SHANK2: variants seen among roughly 807,000 people sequenced by gnomAD.
SHANK2 encodes the protein SH3 and multiple ankyrin repeat domains 2.
In SHANK2, 43 loss-of-function variants were observed where a neutral mutation model predicts 133.7. That is an observed-to-expected ratio of 0.32 (90% CI 0.25 to 0.41). SHANK2 has a LOEUF of 0.41. SHANK2 is among the 10% of genes least tolerant of loss of function. The pLI, the probability that SHANK2 is intolerant of heterozygous loss-of-function variation, is 1.00. For missense variants in SHANK2, 1,994 were observed against 2,235.8 expected (o/e 0.89, Z 2.18); for synonymous variants, 1,017 against 952.8 (o/e 1.07, Z -1.24).
intron 14 of SHANK2, among the ~76,000 whole-genome samples, chr11:70,776,488 G>A (rs782335656): frequency 6.6e-6 from 1 of 152,158 alleles, no homozygotes; most frequent in East Asian, 1.9e-4. Flanking sequence ...TGCTGGTATC[G>A]CCAAGAGCCT....
At chr11:70,778,460 T>A (rs1555044414) in intron 14 of SHANK2, among the ~76,000 whole-genome samples, 1 of 152,216 alleles carries the variant, frequency 6.6e-6, no homozygotes, top group Non-Finnish European at 1.5e-5. Context: ...GCTGAAGCCA[T>A]GACCCCCTCA....
chr11:71,133,279 T>TGGATGGCCGGCC (rs1565470071), intron 3 of SHANK2, among the ~76,000 whole-genome samples: 1 of 128,988 alleles, frequency 7.8e-6, no homozygotes, highest in South Asian at 2.6e-4. Context: ...GATGGATGGA[T>TGGATGGCCGGCC]GGCCGGCCGG....
intron 17 of SHANK2, among the ~76,000 whole-genome samples, chr11:70,611,983 G>A (rs11827559): frequency 0.12 from 18,073 of 150,138 alleles, 1,281 homozygotes; most frequent in Non-Finnish European, 0.15. Flanking sequence ...GGTGGCGAGG[G>A]GCGTGAACAC....
intron 2 of SHANK2, among the ~76,000 whole-genome samples, chr11:71,201,333 C>T (rs782650220): frequency 3.9e-5 from 6 of 152,226 alleles, no homozygotes; most frequent in Non-Finnish European, 5.9e-5. Context: ...GTTGTGATCC[C>T]GAGGACAAGC....
At chr11:70,844,094 C>A (rs115329414) in intron 11 of SHANK2, among the ~76,000 whole-genome samples, 1 of 152,104 alleles carries the variant, frequency 6.6e-6, no homozygotes, top group Non-Finnish European at 1.5e-5. Context: ...GATGAGTGGG[C>A]GCCTCCATCC....
chr11:71,167,912 C>T (rs1157213328), intron 2 of SHANK2, among the ~76,000 whole-genome samples: 2 of 146,668 alleles, frequency 1.4e-5, no homozygotes, highest in Admixed American at 6.7e-5. Context: ...GGCGGCTGTC[C>T]GGGCGGGGGG....
chr11:71,169,962 A>AC (rs1348502299), intron 2 of SHANK2, among the ~76,000 whole-genome samples: 78 of 152,162 alleles, frequency 5.1e-4, no homozygotes, highest in African/African-American at 1.7e-3. Context: ...GTGCTCTGTG[A>AC]CCCCACCTGT....
intron 10 of SHANK2, chr11:70,949,977 G>A (rs542873308): frequency 5.4e-5 from 24 of 445,144 alleles, no homozygotes; most frequent in Middle Eastern, 3.3e-4. Context: ...CGGTAGGTGC[G>A]GTGCCTGGGG....
intron 11 of SHANK2, among the ~76,000 whole-genome samples, chr11:70,867,923 T>C (rs782073232): frequency 3.9e-5 from 6 of 152,218 alleles, no homozygotes; most frequent in Admixed American, 6.5e-5. Flanking sequence ...GTACTGACAG[T>C]GTGTTTGCTA....
intron 2 of SHANK2, among the ~76,000 whole-genome samples, chr11:71,190,760 A>G (rs782391549): frequency 3.3e-5 from 5 of 152,162 alleles, no homozygotes; most frequent in Non-Finnish European, 7.4e-5. Context: ...CCGAGTCCCA[A>G]TCCCACGGCT....
chr11:70,580,293 C>G (rs1157232767), intron 17 of SHANK2, among the ~76,000 whole-genome samples: 6 of 152,296 alleles, frequency 3.9e-5, no homozygotes, highest in Non-Finnish European at 1.5e-5. Flanking sequence ...CTACATTTTG[C>G]AACTGAAGAC....
chr11:70,870,104 G>A (rs1490341266), intron 11 of SHANK2, among the ~76,000 whole-genome samples: 1 of 152,174 alleles, frequency 6.6e-6, no homozygotes, highest in African/African-American at 2.4e-5. Flanking sequence ...CCAATAATTA[G>A]TGTCCTTATA....
At chr11:71,114,851 T>C (rs1404187645) in intron 4 of SHANK2, among the ~76,000 whole-genome samples, 1 of 152,072 alleles carries the variant, frequency 6.6e-6, no homozygotes, top group East Asian at 1.9e-4. Flanking sequence ...GGGAATTCAA[T>C]TCCACGGGGC....
intron 1 of SHANK2, among the ~76,000 whole-genome samples, chr11:71,250,126 G>GT (rs1384153512): frequency 1.6e-4 from 20 of 123,766 alleles, no homozygotes; most frequent in Non-Finnish European, 2.7e-4. Flanking sequence ...CTCCCCGGGG[G>GT]TGGGGGGGAA....
chr11:70,861,718 C>T (rs1555067819), intron 11 of SHANK2, among the ~76,000 whole-genome samples: 6 of 152,180 alleles, frequency 3.9e-5, no homozygotes, highest in Non-Finnish European at 8.8e-5. Context: ...GTTGCCTCTG[C>T]AGGCTGCAGG....
chr11:70,727,690 A>G (rs1237611377), intron 14 of SHANK2, among the ~76,000 whole-genome samples: 1 of 152,184 alleles, frequency 6.6e-6, no homozygotes, highest in East Asian at 1.9e-4. Flanking sequence ...GAGGTGGCCC[A>G]TGTCAAAAAT....
intron 1 of SHANK2, among the ~76,000 whole-genome samples, chr11:71,246,992 A>C (rs1334278316): frequency 2.0e-5 from 3 of 152,216 alleles, no homozygotes; most frequent in Non-Finnish European, 2.9e-5. Context: ...AATACTTAGC[A>C]ACTCCAGGTC....
intron 17 of SHANK2, among the ~76,000 whole-genome samples, chr11:70,596,590 G>C (rs544255363): frequency 6.6e-6 from 1 of 152,366 alleles, no homozygotes; most frequent in East Asian, 1.9e-4. Context: ...TCCTGATGCG[G>C]GGGGGCGGCA....
intron 2 of SHANK2, among the ~76,000 whole-genome samples, chr11:71,210,271 CAG>C (rs765873747): frequency 9.4e-6 from 1 of 106,174 alleles, no homozygotes; most frequent in East Asian, 3.3e-4. Context: ...TTTTTTGAAA[CAG>C]AGTCTCTCTC....
Sources: allele counts gnomAD v4.1 joint callset (sites outside exome capture counted in the v4.1 genomes callset), GRCh38; gene constraint gnomAD v4.1.1; transcripts MANE v1.5; gene names NCBI Gene and HGNC (gene_info 2026-07-23, HGNC 2026-07-21).